GRM5: variants seen among roughly 807,000 people sequenced by gnomAD.
GRM5 encodes the protein glutamate metabotropic receptor 5.
In GRM5, 19 loss-of-function variants were observed where a neutral mutation model predicts 83.1. The observed-to-expected ratio is 0.23, with a 90% CI of 0.16 to 0.34. GRM5 has a LOEUF of 0.34. GRM5 is among the 10% of genes least tolerant of loss of function. The pLI is 1.00. For synonymous variants in GRM5, 675 were observed against 633.6 expected, an observed-to-expected ratio of 1.07 and a Z score of -0.98; for missense variants, 1,160 against 1,588.3, an observed-to-expected ratio of 0.73 and a Z score of 4.58.
At chr11:88,739,731 C>T (rs1477779500) in intron 3 of GRM5, among the ~76,000 whole-genome samples, 1 of 152,042 alleles carries the variant, frequency 6.6e-6, no homozygotes, top group East Asian at 1.9e-4. Flanking sequence ...AAGGTACTTG[C>T]TTCTACTTAC....
intron 2 of GRM5, among the ~76,000 whole-genome samples, chr11:88,982,775 T>C (rs1350848363): frequency 5.3e-5 from 8 of 152,160 alleles, no homozygotes; most frequent in Non-Finnish European, 1.0e-4. Flanking sequence ...TTCCATCTTA[T>C]ATAGAAGTTG....
intron 2 of GRM5, among the ~76,000 whole-genome samples, chr11:89,027,988 C>G (rs1941168706): frequency 6.6e-6 from 1 of 152,132 alleles, no homozygotes; most frequent in Non-Finnish European, 1.5e-5. Flanking sequence ...CCCTCTTTTC[C>G]TTGGATCTTC....
intron 2 of GRM5, among the ~76,000 whole-genome samples, chr11:88,858,123 C>G (rs1944504745): frequency 6.6e-6 from 1 of 151,930 alleles, no homozygotes; most frequent in Admixed American, 6.6e-5. Flanking sequence ...AAGCATAAGG[C>G]ATGGCATTAT....
chr11:88,843,940 T>A (rs1944253011), intron 3 of GRM5, among the ~76,000 whole-genome samples: 2 of 152,180 alleles, frequency 1.3e-5, no homozygotes, highest in Non-Finnish European at 2.9e-5. Context: ...TGTGTAAAGC[T>A]AGCAGAGGTT....
At chr11:88,754,560 GC>G (rs1942356267) in intron 3 of GRM5, among the ~76,000 whole-genome samples, 1 of 152,062 alleles carries the variant, frequency 6.6e-6, no homozygotes, top group African/African-American at 2.4e-5. Context: ...TCAAAGGTAG[GC>G]ACTTGAATAT....
chr11:88,652,609 T>G (rs900820439), intron 4 of GRM5, among the ~76,000 whole-genome samples: 1 of 152,066 alleles, frequency 6.6e-6, no homozygotes. Context: ...ATTCTTAGCA[T>G]CTTATAAGTA....
intron 2 of GRM5, among the ~76,000 whole-genome samples, chr11:88,872,768 T>G (rs1944791386): frequency 6.6e-6 from 1 of 151,112 alleles, no homozygotes; most frequent in Non-Finnish European, 1.5e-5. Context: ...AAAAAATCAC[T>G]TAATCACAAA....
At chr11:88,803,299 C>T (rs1943436314) in intron 3 of GRM5, among the ~76,000 whole-genome samples, 1 of 151,854 alleles carries the variant, frequency 6.6e-6, no homozygotes, top group Non-Finnish European at 1.5e-5. Flanking sequence ...TACAAGGCTA[C>T]AGTAACCAAA....
chr11:88,763,181 TAA>T (rs1156991456), intron 3 of GRM5, among the ~76,000 whole-genome samples: 3 of 151,710 alleles, frequency 2.0e-5, no homozygotes, highest in African/African-American at 7.3e-5. Context: ...AATAAAAGTT[TAA>T]AAAGTGAGGG....
intron 3 of GRM5, among the ~76,000 whole-genome samples, chr11:88,661,746 A>T (rs1939911794): frequency 6.6e-6 from 1 of 152,048 alleles, no homozygotes; most frequent in Non-Finnish European, 1.5e-5. Context: ...TATTTTTTAG[A>T]TACAGTCTCA....
intron 8 of GRM5, among the ~76,000 whole-genome samples, chr11:88,556,163 A>G (rs1942621541): frequency 6.6e-6 from 1 of 152,078 alleles, no homozygotes; most frequent in Non-Finnish European, 1.5e-5. Context: ...CTGAAGTCAA[A>G]TATTTCCATG....
At chr11:88,649,262 T>C (rs1939560368) in intron 4 of GRM5, among the ~76,000 whole-genome samples, 1 of 57,796 alleles carries the variant, frequency 1.7e-5, no homozygotes, top group South Asian at 8.8e-4. Context: ...ATGTATTACA[T>C]ATATATTATA....
chr11:88,768,869 G>C (rs1437579854), intron 3 of GRM5, among the ~76,000 whole-genome samples: 1 of 152,010 alleles, frequency 6.6e-6, no homozygotes, highest in Non-Finnish European at 1.5e-5. Flanking sequence ...GCTCCAGAAG[G>C]TGTGTAGCCC....
At chr11:88,673,827 G>C (rs971841758) in intron 3 of GRM5, among the ~76,000 whole-genome samples, 6 of 151,522 alleles carry the variant, frequency 4.0e-5, no homozygotes, top group Non-Finnish European at 5.9e-5. Flanking sequence ...TAGAGAAACA[G>C]GCAGTGCCAA....
At position 88,549,235 on chromosome 11, in the gene GRM5, G is replaced by C. The variant is rs568443327; in HGVS notation, c.2630+17818C>G. On this transcript the variant is annotated intron_variant, in intron 8 of 9. Transcript: ENST00000305447. Reference sequence around the variant, plus strand: ...TCCCAGCAATTTGGGAGACCAGGGAGGGTGGATTTCTTGAGCTCAGGGGTT... The same window carrying C: ...TCCCAGCAATTTGGGAGACCAGGGACGGTGGATTTCTTGAGCTCAGGGGTT... Among the ~76,000 whole-genome samples the C allele has an allele frequency of 1.1e-4, 16 of 152,206 alleles. No homozygotes were observed. In the East Asian group the frequency reaches 1.2e-3, roughly 11 times the overall value.
intron 2 of GRM5, chr11:88,912,043 G>A (rs72643348): frequency 0.081 from 37,914 of 468,484 alleles, 2,785 homozygotes; most frequent in Admixed American, 0.22. Flanking sequence ...AATAAGTATT[G>A]TACAATACTG....
intron 3 of GRM5, among the ~76,000 whole-genome samples, chr11:88,722,736 T>G (rs1292636124): frequency 6.6e-6 from 1 of 152,176 alleles, no homozygotes; most frequent in African/African-American, 2.4e-5. Flanking sequence ...AGTTTTATGT[T>G]TATAAAGATA....
intron 2 of GRM5, among the ~76,000 whole-genome samples, chr11:89,025,790 T>A (rs1941115733): frequency 6.6e-6 from 1 of 152,314 alleles, no homozygotes; most frequent in African/African-American, 2.4e-5. Flanking sequence ...CTCAAAGTAC[T>A]TAAAACAGTA....
intron 4 of GRM5, among the ~76,000 whole-genome samples, chr11:88,606,784 C>G (rs911210098): frequency 2.6e-5 from 4 of 151,544 alleles, no homozygotes; most frequent in African/African-American, 9.7e-5. Flanking sequence ...GCAAAGGTGT[C>G]TAGGAAGTGA....
Sources: allele counts gnomAD v4.1 joint callset (sites outside exome capture counted in the v4.1 genomes callset), GRCh38; gene constraint gnomAD v4.1.1; transcripts MANE v1.5; gene names NCBI Gene and HGNC (gene_info 2026-07-23, HGNC 2026-07-21).